Variants in WDR25 observed in about 807,000 individuals in gnomAD.
The protein encoded by WDR25 is WD repeat domain 25.
A neutral mutation model predicts 47.7 loss-of-function variants in WDR25; 35 were observed. The observed-to-expected ratio is 0.73, with a 90% confidence interval of 0.56 to 0.97. The LOEUF (loss-of-function observed/expected upper bound fraction) is 0.97, where lower values mean the gene tolerates loss of function less well. WDR25 is among the 50% of genes least tolerant of loss of function. The probability of loss-of-function intolerance (pLI) is 0.00; values close to 1 mark genes in which losing one functional copy is unlikely to be tolerated. For synonymous variants in WDR25, 248 were observed against 278.9 expected (o/e 0.89, Z 1.10); for missense variants, 634 against 704.7 (o/e 0.90, Z 1.14).
In WDR25 at chr14:100,440,026, A is replaced by G. The variant is rs1898620914; in HGVS notation, c.823-27995A>G. Among the ~76,000 whole-genome samples the G allele has an allele frequency of 2.0e-5, 3 of 152,200 alleles. No individual in the cohort carries two copies. Among genetic ancestry groups the G allele is most frequent in the African/African-American group, 7.2e-5 (3 of 41,444 alleles). ...CTTGTCAAGGAAAGGATCCATTGTT[A>G]AGAAACAAACATGGGAAACTGTCAT... is the stretch of plus-strand genomic sequence containing the variant. On this transcript the variant is annotated intron_variant, in intron 2 of 6. Coordinates refer to ENST00000402312, the MANE Select transcript of WDR25 (RefSeq NM_001161476.3). This position sits in a 1 kb window ranked among gnomAD's most constrained non-coding sequence, Gnocchi z 4.4.
At chr14:100,439,658 G>A (rs1898608868) in intron 2 of WDR25, among the ~76,000 whole-genome samples, 1 of 152,156 alleles carries the variant, frequency 6.6e-6, no homozygotes, top group South Asian at 2.1e-4. Flanking sequence ...GGGGGTGGAC[G>A]CTTTTTATGT....
Position 100,440,483 on chromosome 14 carries a change from G to T in WDR25, c.823-27538G>T, listed in dbSNP as rs1013519619. Among the ~76,000 whole-genome samples the T allele has an allele frequency of 6.6e-6, 1 of 152,180 alleles. No individual in the cohort carries two copies. The highest frequency in any genetic ancestry group is 1.5e-5 in the Non-Finnish European group (1 of 68,028). On this transcript the variant is annotated intron_variant, in intron 2 of 6. Transcript: ENST00000402312. This position sits in a 1 kb window ranked among gnomAD's most constrained non-coding sequence, Gnocchi z 4.4. ...AGGATGGGACCCTCAAGGTTTTGGG[G>T]CATGGGAGGGGCTGGCCGTCATGAT...
chr14:100,380,648 C>G (rs1413517175), intron 1 of WDR25, among the ~76,000 whole-genome samples: 2 of 151,894 alleles, frequency 1.3e-5, no homozygotes, highest in African/African-American at 4.8e-5. Flanking sequence ...TGCCTGCCAC[C>G]CTGCCTCGCT....
chr14:100,481,422 T>C, intron 3 of WDR25: 2 of 1,055,110 alleles, frequency 1.9e-6, no homozygotes, highest in Non-Finnish European at 2.5e-6. Context: ...CCTCATCCCA[T>C]TTTTTAAGTG....
chr14:100,509,955 T>A (rs1901245764), intron 4 of WDR25, among the ~76,000 whole-genome samples: 1 of 152,126 alleles, frequency 6.6e-6, no homozygotes, highest in Admixed American at 6.5e-5. Flanking sequence ...TTCCATTGAT[T>A]TCTTTTTTTT....
rs916870774 is a variant in WDR25, at chr14:100,399,847, A to G, written c.822+18101A>G. ...GTAATCTACTTCCCTGTGGCTCCAG[A>G]AGACTGGGTGCAACCATGTGAAAAA... On this transcript the variant is annotated intron_variant, in intron 2 of 6. Transcript: ENST00000402312. Among the ~76,000 whole-genome samples, 8 of 152,310 alleles carry G rather than the reference A, an allele frequency of 5.3e-5. 1 individual carries two copies. The South Asian group carries it at 6.2e-4, about 12-fold the overall frequency.
chr14:100,458,520 T>A (rs1319184909), intron 2 of WDR25, among the ~76,000 whole-genome samples: 1 of 152,142 alleles, frequency 6.6e-6, no homozygotes, highest in Admixed American at 6.5e-5. Flanking sequence ...GAAAATCAGT[T>A]AAGATTTATA....
Position 100,529,567 on chromosome 14 carries a change from C to A in WDR25, c.1414-253C>A. ...AAGGGGCTGGGTGCTTAGTGACTGT[C>A]ACTGAGGCCAGACCCCTCAGCTGGG... On this transcript the variant is annotated intron_variant, in intron 6 of 6. Coordinates refer to ENST00000402312, the MANE Select transcript of WDR25 (RefSeq NM_001161476.3). The surrounding 1 kb of genome is among the most constrained non-coding windows in gnomAD (Gnocchi z 5.1). 1.7e-6 allele frequency: 1 copy of A among 597,376 alleles called. No homozygotes were observed. Among genetic ancestry groups the A allele is most frequent in the Non-Finnish European group, 3.0e-6 (1 of 338,430 alleles). The allele number at this position is 597,376 out of a possible 1,614,324, so 37.0% of individuals were successfully genotyped here. A position where few individuals can be genotyped will look rare whatever the true frequency, so the allele number is the denominator to read the frequency against.
intron 2 of WDR25, among the ~76,000 whole-genome samples, chr14:100,405,416 C>A (rs1897507097): frequency 1.3e-5 from 2 of 152,146 alleles, no homozygotes; most frequent in South Asian, 4.1e-4. Context: ...CCGCCTCAGC[C>A]TCCCAAAGTG....
intron 2 of WDR25, among the ~76,000 whole-genome samples, chr14:100,395,487 C>T (rs571014448): frequency 4.6e-5 from 7 of 152,222 alleles, no homozygotes; most frequent in East Asian, 1.9e-4. Context: ...ACCAGAGGGG[C>T]GTATTGAAGG....
At chr14:100,382,548 A>AT (rs1307804099) in intron 2 of WDR25, among the ~76,000 whole-genome samples, 1 of 151,998 alleles carries the variant, frequency 6.6e-6, no homozygotes, top group Non-Finnish European at 1.5e-5. Flanking sequence ...TGTCTTATTT[A>AT]TTTTACAGGC....
In WDR25 at chr14:100,440,727, G is replaced by A. The variant is rs1177506661; in HGVS notation, c.823-27294G>A. 1.3e-5 allele frequency among the ~76,000 whole-genome samples: 2 copies of A among 152,190 alleles called. No homozygotes were observed. Among genetic ancestry groups the A allele is most frequent in the Non-Finnish European group, 2.9e-5 (2 of 68,030 alleles). ...GCCAGAGCAGCAATTCTCAGGTCAG[G>A]ATTATTTGGGAGATCCATATTACTT... On this transcript the variant is annotated intron_variant, in intron 2 of 6. Transcript: ENST00000402312. The surrounding 1 kb of genome is among the most constrained non-coding windows in gnomAD (Gnocchi z 4.4).
At position 100,500,605 on chromosome 14, in the gene WDR25, G is replaced by GC. The variant is rs1354480926; in HGVS notation, c.1101+16487dup. Among the ~76,000 whole-genome samples the GC allele has an allele frequency of 6.6e-5, 10 of 152,128 alleles. No individual in the cohort carries two copies. The highest frequency in any genetic ancestry group is 6.5e-4 in the Admixed American group (10 of 15,284). ...GCTAGGCAGGGCCTGGGGTTTTGGG[G>GC]CCCCCCACAGTTTTGACGCTGGCTC... On this transcript the variant is annotated intron_variant, in intron 4 of 6. Transcript: ENST00000402312. This position sits in a 1 kb window ranked among gnomAD's most constrained non-coding sequence, Gnocchi z 4.7.
At chr14:100,418,219 C>T (rs966765056) in intron 2 of WDR25, among the ~76,000 whole-genome samples, 1 of 150,234 alleles carries the variant, frequency 6.7e-6, no homozygotes, top group Non-Finnish European at 1.5e-5. Context: ...GCTGGGATAA[C>T]AGGCATGAGC....
intron 4 of WDR25, chr14:100,487,475 C>T (rs1020593317): frequency 6.6e-6 from 1 of 152,200 alleles, no homozygotes; most frequent in Non-Finnish European, 1.5e-5. Context: ...AGAGTGGACT[C>T]ATTGCAACAG....
chr14:100,380,798 T>G, intron 1 of WDR25, 112 bp from the exon 2 acceptor site: 7 of 1,047,988 alleles, frequency 6.7e-6, no homozygotes, highest in Non-Finnish European at 8.3e-6. Flanking sequence ...CTGGCCTGTG[T>G]TTATTCTTAT....
chr14:100,479,653 A>G (rs1900134974), intron 3 of WDR25, among the ~76,000 whole-genome samples: 1 of 152,226 alleles, frequency 6.6e-6, no homozygotes, highest in African/African-American at 2.4e-5. Flanking sequence ...TACTACCCCT[A>G]GAACAATTCA....
chr14:100,479,672 C>G lies in WDR25; in HGVS notation c.971-4322C>G, dbSNP rs564334854. Among the ~76,000 whole-genome samples, 4 of 152,292 alleles carry G rather than the reference C, an allele frequency of 2.6e-5. No individual in the cohort carries two copies. In the South Asian group the frequency reaches 8.3e-4, roughly 32 times the overall value. ...ACCCCTAGAACAATTCATTTCATTT[C>G]AGTGAATCTCTTCCCAGTCTTTGTC... On this transcript the variant is annotated intron_variant, in intron 3 of 6. Transcript: ENST00000402312.
intron 2 of WDR25, among the ~76,000 whole-genome samples, chr14:100,409,512 A>T (rs1466768708): frequency 6.6e-6 from 1 of 152,038 alleles, no homozygotes; most frequent in Non-Finnish European, 1.5e-5. Flanking sequence ...GCACTTGAAA[A>T]GATGAAAAGT....
Sources: allele counts gnomAD v4.1 joint callset (sites outside exome capture counted in the v4.1 genomes callset), GRCh38; gene constraint gnomAD v4.1.1; non-coding constraint Gnocchi (gnomAD v3.1); transcripts MANE v1.5; gene names NCBI Gene and HGNC (gene_info 2026-07-23, HGNC 2026-07-21).